The following DNM3 variants were observed in gnomAD, a reference collection of about 807,000 sequenced individuals.
The protein encoded by DNM3 is dynamin-3.
DNM3 carries 47 observed loss-of-function variants against 101.6 expected under a neutral mutation model. The observed-to-expected ratio is 0.46, with a 90% CI of 0.37 to 0.59. The LOEUF (loss-of-function observed/expected upper bound fraction) is 0.59. Among genes scored for constraint, DNM3 ranks in the 20% least tolerant of loss-of-function variants. DNM3 has a pLI of 0.00. For synonymous variants in DNM3, 385 were observed against 387.9 expected (o/e 0.99, Z 0.09); for missense variants, 849 against 1,085.7 (o/e 0.78, Z 3.06).
chr1:172,014,876 T>C (rs1482574610), intron 4 of DNM3, among the ~76,000 whole-genome samples: 1 of 152,132 alleles, frequency 6.6e-6, no homozygotes, highest in African/African-American at 2.4e-5. Context: ...ACCAGGGTGA[T>C]GTAGGTTTTT....
intron 14 of DNM3, among the ~76,000 whole-genome samples, chr1:172,152,248 T>A (rs2058162041): frequency 1.3e-5 from 2 of 151,584 alleles, no homozygotes; most frequent in South Asian, 4.2e-4. Flanking sequence ...AGTTTGAAGA[T>A]AATGGACTTC....
At chr1:172,322,211 A>G (rs1349257261) in intron 16 of DNM3, among the ~76,000 whole-genome samples, 2 of 152,042 alleles carry the variant, frequency 1.3e-5, no homozygotes, top group Non-Finnish European at 2.9e-5. Flanking sequence ...CCCCCTTCAC[A>G]TCCTCAACTT....
intron 1 of DNM3, among the ~76,000 whole-genome samples, chr1:171,861,778 A>G (rs1342315532): frequency 6.6e-6 from 1 of 152,160 alleles, no homozygotes; most frequent in East Asian, 1.9e-4. Flanking sequence ...GCTTCAAGGG[A>G]CACTATTAAG....
At chr1:172,293,842 G>C (rs1009084716) in intron 15 of DNM3, among the ~76,000 whole-genome samples, 3 of 152,144 alleles carry the variant, frequency 2.0e-5, no homozygotes, top group Non-Finnish European at 4.4e-5. Flanking sequence ...TTCCAGTGAA[G>C]AGCCCCTGAA....
At chr1:171,972,072 G>C (rs1179540174) in intron 2 of DNM3, among the ~76,000 whole-genome samples, 1 of 152,160 alleles carries the variant, frequency 6.6e-6, no homozygotes, top group Non-Finnish European at 1.5e-5. Context: ...TTTTGACTTG[G>C]AATCATTCAT....
chr1:171,876,104 T>G (rs1571364272), intron 1 of DNM3, among the ~76,000 whole-genome samples: 1 of 152,054 alleles, frequency 6.6e-6, no homozygotes, highest in Non-Finnish European at 1.5e-5. Flanking sequence ...CCACTGCGCC[T>G]GGCCAAAAAG....
In DNM3 at chr1:172,283,780, A is replaced by AAAAAAAAAAAAAAAAAAAAAAAAGAAAG. The variant is rs1553221113; in HGVS notation, c.1770-24945_1770-24944insAAAAAAAAAAAAAAAAAAAAGAAAGAAA. ...ATCTCAAAAAAAAAAAAAAAAAAAA[A>AAAAAAAAAAAAAAAAAAAAAAAAGAAAG]AAAGAAAGAAAGAAAGAAAACCAAG... On this transcript the variant is annotated intron_variant, in intron 15 of 20. Transcript: ENST00000627582. 6.3e-4 allele frequency among the ~76,000 whole-genome samples: 75 copies of AAAAAAAAAAAAAAAAAAAAAAAAGAAAG among 118,952 alleles called. 1 individual carries two copies. The highest frequency in any genetic ancestry group is 1.0e-3 in the Non-Finnish European group (60 of 58,420). The allele number at this position is 118,952 out of a possible 152,430, so 78.0% of individuals were successfully genotyped here. A position where few individuals can be genotyped will look rare whatever the true frequency, so the allele number is the denominator to read the frequency against.
At chr1:172,391,433 A>G (rs1205828529) in intron 20 of DNM3, among the ~76,000 whole-genome samples, 1 of 152,196 alleles carries the variant, frequency 6.6e-6, no homozygotes, top group East Asian at 1.9e-4. Flanking sequence ...TTCTGACCAC[A>G]TAAAGTCTGT....
chr1:172,224,644 T>C (rs973119790), intron 14 of DNM3, among the ~76,000 whole-genome samples: 1 of 152,194 alleles, frequency 6.6e-6, no homozygotes, highest in Non-Finnish European at 1.5e-5. Context: ...CTTACTTACA[T>C]ACATTTTGAG....
intron 15 of DNM3, among the ~76,000 whole-genome samples, chr1:172,272,606 T>C (rs942127165): frequency 3.3e-5 from 5 of 152,144 alleles, no homozygotes; most frequent in Non-Finnish European, 5.9e-5. Context: ...ATGAATATCT[T>C]TGAGGATTAG....
intron 15 of DNM3, among the ~76,000 whole-genome samples, chr1:172,269,094 T>C (rs1485978087): frequency 2.6e-5 from 4 of 152,096 alleles, no homozygotes; most frequent in African/African-American, 9.7e-5. Flanking sequence ...TAAACTGGAG[T>C]TGTAACCGAA....
At position 172,165,918 on chromosome 1, in the gene DNM3, A is replaced by G. The variant is rs2058726103; in HGVS notation, c.1659+34630A>G. 3.9e-5 allele frequency among the ~76,000 whole-genome samples: 6 copies of G among 152,170 alleles called. No homozygotes were observed. In the South Asian group the frequency reaches 1.2e-3, roughly 32 times the overall value. On this transcript the variant is annotated intron_variant, in intron 14 of 20. Transcript: ENST00000627582. The stretch of plus-strand genomic sequence containing the variant: ...GGAATCCCACAAACTTTTATCAATT[A>G]TCTTTTTTGTGCCAGGCACTGTGCT...
intron 2 of DNM3, among the ~76,000 whole-genome samples, chr1:171,964,043 C>A (rs1257873827): frequency 6.6e-6 from 1 of 152,098 alleles, no homozygotes; most frequent in East Asian, 1.9e-4. Flanking sequence ...ACAAAACAGA[C>A]CATTTTTGCA....
chr1:172,058,063 G>T (rs892047645), intron 10 of DNM3, among the ~76,000 whole-genome samples: 10 of 137,424 alleles, frequency 7.3e-5, no homozygotes, highest in African/African-American at 2.6e-4. Context: ...TGATAAAACA[G>T]ACTTTAAACC....
At chr1:172,280,043 C>G (rs763739253) in intron 15 of DNM3, among the ~76,000 whole-genome samples, 9 of 152,118 alleles carry the variant, frequency 5.9e-5, no homozygotes, top group Non-Finnish European at 1.2e-4. Context: ...ATTTCTGAGT[C>G]TCCGCATTGT....
chr1:171,975,490 T>C (rs2044303493), intron 2 of DNM3, among the ~76,000 whole-genome samples: 1 of 152,198 alleles, frequency 6.6e-6, no homozygotes, highest in South Asian at 2.1e-4. Flanking sequence ...GACTTCTCTA[T>C]TAGTAAAGCG....
At chr1:172,133,658 C>T (rs1486179977) in intron 14 of DNM3, among the ~76,000 whole-genome samples, 1 of 151,960 alleles carries the variant, frequency 6.6e-6, no homozygotes, top group Non-Finnish European at 1.5e-5. Context: ...TAAAATGGGG[C>T]ATTGAGTTAG....
intron 2 of DNM3, among the ~76,000 whole-genome samples, chr1:171,980,771 T>G (rs2044732010): frequency 2.0e-5 from 3 of 147,390 alleles, no homozygotes; most frequent in African/African-American, 7.5e-5. Flanking sequence ...CTACAGATTT[T>G]TTTTTTTTTT....
chr1:172,272,270 AATT>A (rs1330075194), intron 15 of DNM3, among the ~76,000 whole-genome samples: 1 of 152,096 alleles, frequency 6.6e-6, no homozygotes, highest in East Asian at 1.9e-4. Flanking sequence ...ATTAATACAT[AATT>A]ATTATCTAGA....
Sources: gnomAD v4.1 joint callset for allele counts (sites outside exome capture counted in the v4.1 genomes callset) on GRCh38, gnomAD v4.1.1 for gene constraint, MANE v1.5 for transcripts, NCBI Gene and HGNC (gene_info 2026-07-23, HGNC 2026-07-21) for gene names.